Variants in CACNA1C observed in about 807,000 individuals in gnomAD.
CACNA1C encodes the protein voltage-dependent L-type calcium channel subunit alpha-1C.
In CACNA1C, 30 loss-of-function variants were observed where a neutral mutation model predicts 229.0. The observed-to-expected ratio is 0.13, with a 90% CI of 0.10 to 0.18. The LOEUF (loss-of-function observed/expected upper bound fraction) is 0.18, where lower values mean the gene tolerates loss of function less well. Ranked by LOEUF, CACNA1C falls within the 10% of genes least tolerant of loss-of-function variation. The pLI is 1.00. For missense variants in CACNA1C, 1,658 were observed against 2,845.0 expected, an observed-to-expected ratio of 0.58 and a Z score of 9.49; for synonymous variants, 1,114 against 1,132.5, an observed-to-expected ratio of 0.98 and a Z score of 0.33.
chr12:2,178,548 C>G (rs1378962292), intron 3 of CACNA1C, among the ~76,000 whole-genome samples: 1 of 152,182 alleles, frequency 6.6e-6, no homozygotes, highest in Non-Finnish European at 1.5e-5. Flanking sequence ...TCGCTAAGAC[C>G]TGGAGTCTGG....
At chr12:2,669,314 T>C (rs1023251721) in intron 38 of CACNA1C, among the ~76,000 whole-genome samples, 2 of 150,144 alleles carry the variant, frequency 1.3e-5, no homozygotes, top group Non-Finnish European at 3.0e-5. Context: ...ACACATAAAA[T>C]ACACTAACGA....
rs2097104345 is a variant in CACNA1C at position 2,348,204 on chromosome 12, A to AG, written c.478-100770dup. ...GCCGGAGGAGCTGGGCAGTGCAGCG[A>AG]GGCGCCAGCTGTGCCTGACTCCTGA... On this transcript the variant is annotated intron_variant, in intron 3 of 46. Transcript: ENST00000399655. This position sits in a 1 kb window ranked among gnomAD's most constrained non-coding sequence, Gnocchi z 4.7. Among the ~76,000 whole-genome samples the AG allele has an allele frequency of 6.6e-6, 1 of 152,160 alleles. No individual in the cohort carries two copies. Among genetic ancestry groups the AG allele is most frequent in the Non-Finnish European group, 1.5e-5 (1 of 68,026 alleles).
At chr12:1,998,399 T>TTCATTTTC (rs1189949473) in intron 1 of CACNA1C, among the ~76,000 whole-genome samples, 1 of 152,192 alleles carries the variant, frequency 6.6e-6, no homozygotes, top group Non-Finnish European at 1.5e-5. Flanking sequence ...GTTTTCTGGG[T>TTCATTTTC]TCATTTTCTC....
chr12:2,342,808 T>A (rs2096902890), intron 3 of CACNA1C, among the ~76,000 whole-genome samples: 1 of 152,204 alleles, frequency 6.6e-6, no homozygotes, highest in Admixed American at 6.5e-5. Context: ...CTGAGTGTTG[T>A]CTTTGTGAGC....
chr12:2,001,669 C>T (rs1473518918), intron 1 of CACNA1C, among the ~76,000 whole-genome samples: 1 of 152,158 alleles, frequency 6.6e-6, no homozygotes, highest in Non-Finnish European at 1.5e-5. Flanking sequence ...ATATGAAATG[C>T]CTGGGTCTCA....
intron 3 of CACNA1C, among the ~76,000 whole-genome samples, chr12:2,188,415 A>G (rs1370638615): frequency 6.6e-6 from 1 of 152,142 alleles, no homozygotes; most frequent in Admixed American, 6.5e-5. Flanking sequence ...ATTTTTGTAG[A>G]TGTTGTGTGA....
At chr12:2,534,401 C>T (rs1295254397) in intron 9 of CACNA1C, among the ~76,000 whole-genome samples, 1 of 152,130 alleles carries the variant, frequency 6.6e-6, no homozygotes, top group African/African-American at 2.4e-5. Context: ...TGGTGAAGTC[C>T]CTGCTGAGAA....
intron 4 of CACNA1C, among the ~76,000 whole-genome samples, chr12:2,452,612 C>T (rs542448905): frequency 1.3e-5 from 2 of 152,276 alleles, no homozygotes; most frequent in African/African-American, 4.8e-5. Flanking sequence ...GTGGTTTTGC[C>T]TTTAGAATGT....
chr12:2,424,782 AAACCTCTCT>A (rs1195885664), intron 3 of CACNA1C, among the ~76,000 whole-genome samples: 1 of 152,128 alleles, frequency 6.6e-6, no homozygotes, highest in Non-Finnish European at 1.5e-5. Context: ...GAAGTTGAGG[AAACCTCTCT>A]CCCAGAGACT....
At chr12:2,044,846 C>G (rs2050793114) in intron 1 of CACNA1C, among the ~76,000 whole-genome samples, 1 of 152,178 alleles carries the variant, frequency 6.6e-6, no homozygotes. Context: ...GGCTGCATAA[C>G]CCTAGTCTCG....
chr12:2,115,122 A>C lies in CACNA1C; in HGVS notation c.50-102A>C, dbSNP rs140930005. On this transcript the variant is annotated intron_variant, in intron 1 of 46. Transcript: ENST00000399655. ...CTCCTAACCGCCTGCAATAGCTTGA[A>C]ATAAGGTTTTGAAAAAATTGTGAAT... The C allele has an allele frequency of 1.4e-4, 133 of 929,742 alleles. 1 individual carries two copies. Among genetic ancestry groups the C allele is most frequent in the Middle Eastern group, 1.3e-3 (6 of 4,554 alleles). The allele number at this position is 929,742 out of a possible 1,614,324, so 57.6% of individuals were successfully genotyped here. A position where few individuals can be genotyped will look rare whatever the true frequency, so the allele number is the denominator to read the frequency against.
chr12:2,649,994 G>A lies in CACNA1C; in HGVS notation c.3945+1487G>A, dbSNP rs2094770829. 6.6e-6 allele frequency among the ~76,000 whole-genome samples: 1 copy of A among 152,104 alleles called. No homozygotes were observed. Among genetic ancestry groups the A allele is most frequent in the Non-Finnish European group, 1.5e-5 (1 of 68,030 alleles). On this transcript the variant is annotated intron_variant, in intron 31 of 46. Transcript: ENST00000399655. The surrounding 1 kb of genome is among the most constrained non-coding windows in gnomAD (Gnocchi z 4.4). Reference sequence around the variant, plus strand: ...AACACACAGGCAGGGAAGAGCCCAGGGCAGGACAGGGCTGCTGCCTGCAGC... The same window carrying A: ...AACACACAGGCAGGGAAGAGCCCAGAGCAGGACAGGGCTGCTGCCTGCAGC...
chr12:2,119,239 G>C (rs2085386282), intron 2 of CACNA1C, among the ~76,000 whole-genome samples: 1 of 152,184 alleles, frequency 6.6e-6, no homozygotes, highest in Admixed American at 6.5e-5. Flanking sequence ...TTGTGAGTAT[G>C]GATTTCCCTG....
intron 3 of CACNA1C, among the ~76,000 whole-genome samples, chr12:2,251,475 G>A (rs2154385743): frequency 6.6e-6 from 1 of 152,322 alleles, no homozygotes; most frequent in African/African-American, 2.4e-5. Context: ...AAGCCAGGGA[G>A]GTTGAGGTAG....
chr12:2,204,964 A>AT (rs1209922303), intron 3 of CACNA1C, among the ~76,000 whole-genome samples: 16 of 152,040 alleles, frequency 1.1e-4, no homozygotes, highest in African/African-American at 2.7e-4. Context: ...ATTAAAAAAA[A>AT]CAAAAACAAA....
Position 1,982,542 on chromosome 12 carries a change from T to TC in CACNA1C, c.139+11341_139+11342insC, listed in dbSNP as rs1555204818. 7.7e-4 allele frequency among the ~76,000 whole-genome samples: 117 copies of TC among 151,880 alleles called. 1 individual carries two copies. The highest frequency in any genetic ancestry group is 2.5e-3 in the African/African-American group (105 of 41,456). ...AGGTTCATTCACGTTGTACTATATA[T>TC]ATAATTTTATTCTCTTTTGAGGTTG... On this transcript the variant is annotated intron_variant, in intron 1 of 46. Transcript: ENST00000682462.
At chr12:2,327,116 A>G (rs1350927551) in intron 3 of CACNA1C, among the ~76,000 whole-genome samples, 1 of 152,192 alleles carries the variant, frequency 6.6e-6, no homozygotes, top group African/African-American at 2.4e-5. Flanking sequence ...CCACAGACTG[A>G]GTGGAGTAGA....
intron 3 of CACNA1C, among the ~76,000 whole-genome samples, chr12:2,223,824 GTAT>G (rs1379987717): frequency 1.7e-4 from 26 of 152,104 alleles, no homozygotes; most frequent in Non-Finnish European, 2.6e-4. Context: ...AAACTTATAT[GTAT>G]TATTATTTAA....
At chr12:2,505,539 C>T (rs1287782894) in intron 8 of CACNA1C, among the ~76,000 whole-genome samples, 3 of 152,114 alleles carry the variant, frequency 2.0e-5, no homozygotes, top group African/African-American at 7.2e-5. Context: ...GTGGTGCACA[C>T]CTGTAGACCC....
Sources: gnomAD v4.1 joint callset for allele counts (sites outside exome capture counted in the v4.1 genomes callset) on GRCh38, gnomAD v4.1.1 for gene constraint, Gnocchi (gnomAD v3.1) non-coding constraint, MANE v1.5 for transcripts, NCBI Gene and HGNC (gene_info 2026-07-23, HGNC 2026-07-21) for gene names.